ZNF326: variants seen among roughly 807,000 people sequenced by gnomAD.
The protein encoded by ZNF326 is zinc finger protein 326, also known as DBIRD complex subunit ZNF326.
A neutral mutation model predicts 63.1 loss-of-function variants in ZNF326; 30 were observed. That is an observed-to-expected ratio of 0.48 (90% CI 0.36 to 0.64). The LOEUF (loss-of-function observed/expected upper bound fraction) is 0.64, where lower values mean the gene tolerates loss of function less well. ZNF326 is among the 30% of genes least tolerant of loss of function. The probability of loss-of-function intolerance (pLI) is 0.00; values close to 1 mark genes in which losing one functional copy is unlikely to be tolerated. For synonymous variants in ZNF326, 194 were observed against 228.2 expected (o/e 0.85, Z 1.35); for missense variants, 609 against 720.3 (o/e 0.85, Z 1.77).
intron 11 of ZNF326, among the ~76,000 whole-genome samples, chr1:90,024,346 G>A (rs1649911499): frequency 6.6e-6 from 1 of 152,086 alleles, no homozygotes; most frequent in Admixed American, 6.5e-5. Context: ...CCTGCTCTGG[G>A]CATTGATAAT....
At chr1:90,005,488 T>G in intron 4 of ZNF326, 1 of 1,151,008 alleles carries the variant, frequency 8.7e-7, no homozygotes, top group Non-Finnish European at 1.1e-6. Context: ...AAGATACACT[T>G]TTTAGCAGTG....
intron 9 of ZNF326, among the ~76,000 whole-genome samples, chr1:90,019,103 C>A (rs2101084196): frequency 6.6e-6 from 1 of 152,128 alleles, no homozygotes; most frequent in Middle Eastern, 3.4e-3. Context: ...GTTTTTTAGT[C>A]TTTCCTTCTC....
At chr1:90,006,450 C>G (rs1367430633) in intron 4 of ZNF326, 4 of 985,198 alleles carry the variant, frequency 4.1e-6, no homozygotes, top group African/African-American at 3.5e-5. Flanking sequence ...TATCAAGCAA[C>G]TTTTGTAATC....
rs1650407503 is a variant in ZNF326 at position 90,034,457 on chromosome 1, G to A, written c.*6756G>A. ...TAGAGGAAACATTTTGAATTATATA[G>A]TGCACAAATTTTAATAGCTATAGAA... On this transcript the variant is annotated 3_prime_UTR_variant, in exon 12 of 12. Transcript: ENST00000340281. The A allele has an allele frequency of 1.3e-5, 2 of 152,090 alleles. No individual in the cohort carries two copies. Among genetic ancestry groups the A allele is most frequent in the Admixed American group, 6.5e-5 (1 of 15,268 alleles). 9.4% of individuals were successfully genotyped at this position (152,090 alleles called of 1,614,324 possible).
chr1:89,995,249 G>C lies in ZNF326; in HGVS notation c.-9G>C, dbSNP rs1648287616. 1 of 1,553,562 alleles carries C rather than the reference G, an allele frequency of 6.4e-7. No homozygotes were observed. Among genetic ancestry groups the C allele is most frequent in the African/African-American group, 1.4e-5 (1 of 71,372 alleles). ...GCGCCGCCAAGGCCGACGGCCCTCA[G>C]CCTCTGCCATGGACTTCGAGGACGG... On this transcript the variant is annotated 5_prime_UTR_variant, in exon 1 of 12. Transcript: ENST00000340281.
chr1:90,023,666 A>G (rs956439946), intron 11 of ZNF326, among the ~76,000 whole-genome samples: 1 of 152,228 alleles, frequency 6.6e-6, no homozygotes, highest in Non-Finnish European at 1.5e-5. Context: ...TTATTCTTGC[A>G]TTGTCACAAA....
chr1:90,003,778 C>T (rs1648816159), intron 2 of ZNF326, among the ~76,000 whole-genome samples: 2 of 152,158 alleles, frequency 1.3e-5, no homozygotes, highest in South Asian at 4.1e-4. Context: ...CGTCAGTTCC[C>T]CAGATCTATA....
At chr1:90,019,715 TTTC>T (rs1197571270) in intron 9 of ZNF326, among the ~76,000 whole-genome samples, 1 of 152,154 alleles carries the variant, frequency 6.6e-6, no homozygotes, top group Non-Finnish European at 1.5e-5. Context: ...TACATCTATG[TTTC>T]TAGCACAGAT....
At position 89,995,187 on chromosome 1, in the gene ZNF326, G is replaced by C. The variant is rs1351361240; in HGVS notation, c.-71G>C. 6.6e-7 allele frequency: 1 copy of C among 1,509,424 alleles called. No homozygotes were observed. 93.5% of individuals were successfully genotyped at this position (1,509,424 alleles called of 1,614,324 possible). ...CGCGGAGTGATCGTGTGGAATCGCG[G>C]GTCGCGGACGCTCGCCGCCGGCCAT... On this transcript the variant is annotated 5_prime_UTR_variant, in exon 1 of 12. Coordinates refer to ENST00000340281, the MANE Select transcript of ZNF326 (RefSeq NM_182976.4).
At chr1:90,020,740 G>A in intron 9 of ZNF326, 52 bp from the exon 10 acceptor site, 13 of 1,549,852 alleles carry the variant, frequency 8.4e-6, no homozygotes, top group Non-Finnish European at 1.1e-5. Context: ...AAACTTCATT[G>A]GTCAGAAATA....
At chr1:90,011,336 T>C (rs2101069774) in intron 6 of ZNF326, among the ~76,000 whole-genome samples, 1 of 152,196 alleles carries the variant, frequency 6.6e-6, no homozygotes, top group African/African-American at 2.4e-5. Context: ...TTATAGAAAA[T>C]TAGTAGGAAA....
At chr1:90,014,293 GCAAA>G (rs1649390961) in intron 7 of ZNF326, among the ~76,000 whole-genome samples, 1 of 151,990 alleles carries the variant, frequency 6.6e-6, no homozygotes, top group Non-Finnish European at 1.5e-5. Flanking sequence ...TGAAAGGAGT[GCAAA>G]CAGACTTGGA....
At chr1:90,011,980 A>T (rs769998395) in intron 6 of ZNF326, among the ~76,000 whole-genome samples, 1 of 151,952 alleles carries the variant, frequency 6.6e-6, no homozygotes, top group Non-Finnish European at 1.5e-5. Flanking sequence ...GGGACTACAG[A>T]TGTGCACCAC....
chr1:90,017,035 A>C (rs1375301839), intron 7 of ZNF326, among the ~76,000 whole-genome samples: 1 of 152,188 alleles, frequency 6.6e-6, no homozygotes. Flanking sequence ...TGCCTTTTTA[A>C]TTGGTCCAGG....
chr1:90,022,209 C>A, intron 10 of ZNF326, 41 bp from the exon 11 acceptor site: 2 of 1,376,932 alleles, frequency 1.5e-6, no homozygotes, highest in Non-Finnish European at 2.0e-6. Context: ...TTTTTCATGG[C>A]ATGGTTTTCA....
chr1:89,999,356 GA>G (rs1648557167), intron 2 of ZNF326, among the ~76,000 whole-genome samples: 1 of 151,876 alleles, frequency 6.6e-6, no homozygotes, highest in Non-Finnish European at 1.5e-5. Flanking sequence ...GGGGAAGAGG[GA>G]GGGGGAGAGG....
chr1:90,013,813 C>A (rs1649366076), intron 7 of ZNF326, among the ~76,000 whole-genome samples: 1 of 151,892 alleles, frequency 6.6e-6, no homozygotes, highest in Non-Finnish European at 1.5e-5. Flanking sequence ...CCTGTAATCC[C>A]AGCACTTTGG....
At chr1:90,012,500 A>G (rs1333742788) in intron 6 of ZNF326, among the ~76,000 whole-genome samples, 2 of 152,218 alleles carry the variant, frequency 1.3e-5, no homozygotes, top group East Asian at 3.8e-4. Flanking sequence ...TTCTGTAACT[A>G]GATAGTGGAG....
At chr1:90,019,886 G>A (rs939044979) in intron 9 of ZNF326, among the ~76,000 whole-genome samples, 6 of 151,984 alleles carry the variant, frequency 3.9e-5, no homozygotes, top group Non-Finnish European at 7.4e-5. Context: ...TTTCCTTCAC[G>A]TATCTTGAGA....
Sources: gnomAD v4.1 joint callset for allele counts (sites outside exome capture counted in the v4.1 genomes callset) on GRCh38, gnomAD v4.1.1 for gene constraint, MANE v1.5 for transcripts, NCBI Gene and HGNC (gene_info 2026-07-23, HGNC 2026-07-21) for gene names.